Variants in KLF12 observed in about 807,000 individuals in gnomAD.
KLF12 encodes Krueppel-like factor 12.
Under a neutral mutation model 37.8 loss-of-function variants are expected in KLF12, and 9 were observed. That is an observed-to-expected ratio of 0.24 (90% CI 0.14 to 0.42). The LOEUF (loss-of-function observed/expected upper bound fraction) is 0.42. KLF12 is among the 10% of genes least tolerant of loss of function. The pLI, the probability that KLF12 is intolerant of heterozygous loss-of-function variation, is 1.00. For missense variants in KLF12, 411 were observed against 516.0 expected, an observed-to-expected ratio of 0.80 and a Z score of 1.97; for synonymous variants, 208 against 202.1, an observed-to-expected ratio of 1.03 and a Z score of -0.25.
chr13:74,210,161 G>A, the KLF12 span, among the ~76,000 whole-genome samples: 1 of 152,182 alleles, frequency 6.6e-6, no homozygotes, highest in African/African-American at 2.4e-5. Flanking sequence ...AATAGCAAAT[G>A]AATCTGAATA....
chr13:73,720,610 T>C (rs1341406616), intron 6 of KLF12, among the ~76,000 whole-genome samples: 2 of 152,102 alleles, frequency 1.3e-5, no homozygotes, highest in African/African-American at 2.4e-5. Flanking sequence ...AGGTACCACG[T>C]TGTAATAATT....
the KLF12 span, among the ~76,000 whole-genome samples, chr13:74,206,636 TAA>T: frequency 1.4e-3 from 207 of 152,276 alleles, 1 homozygote; most frequent in African/African-American, 4.6e-3. Flanking sequence ...ACAGGGAAAA[TAA>T]AAAGTGTTGG....
chr13:74,241,413 C>T, the KLF12 span, among the ~76,000 whole-genome samples: 470 of 152,252 alleles, frequency 3.1e-3, 3 homozygotes, highest in African/African-American at 0.011. Flanking sequence ...CTGTGCCCTG[C>T]CCCCAGAGGT....
intron 1 of KLF12, among the ~76,000 whole-genome samples, chr13:74,074,458 A>G (rs1874451805): frequency 6.6e-6 from 1 of 152,046 alleles, no homozygotes; most frequent in Non-Finnish European, 1.5e-5. Flanking sequence ...CCTATCATCT[A>G]ACTGGACTCT....
At chr13:74,071,449 G>A (rs1279369943) in intron 1 of KLF12, among the ~76,000 whole-genome samples, 1 of 152,130 alleles carries the variant, frequency 6.6e-6, no homozygotes, top group Admixed American at 6.5e-5. Context: ...CACTTTGGGA[G>A]GGTGAGGTGG....
chr13:74,141,269 G>A, the KLF12 span, among the ~76,000 whole-genome samples: 1 of 152,128 alleles, frequency 6.6e-6, no homozygotes, highest in South Asian at 2.1e-4. Flanking sequence ...CTTAATTCAG[G>A]AGGATTCATT....
At chr13:74,212,948 G>T in the KLF12 span, among the ~76,000 whole-genome samples, 1 of 151,402 alleles carries the variant, frequency 6.6e-6, no homozygotes, top group East Asian at 1.9e-4. Context: ...TTTCAGAAAG[G>T]TAAAAAAAAT....
chr13:74,173,888 G>C, the KLF12 span, among the ~76,000 whole-genome samples: 1 of 152,206 alleles, frequency 6.6e-6, no homozygotes, highest in South Asian at 2.1e-4. Context: ...TTGCCTTACT[G>C]TCTGAGAGAT....
At chr13:74,159,437 G>A in the KLF12 span, among the ~76,000 whole-genome samples, 1 of 152,206 alleles carries the variant, frequency 6.6e-6, no homozygotes, top group Non-Finnish European at 1.5e-5. Flanking sequence ...AATAAAGGAA[G>A]TGTATAATAA....
chr13:74,290,315 C>T, the KLF12 span, among the ~76,000 whole-genome samples: 1 of 152,172 alleles, frequency 6.6e-6, no homozygotes, highest in Non-Finnish European at 1.5e-5. Context: ...CTTTTTCATT[C>T]CTTTCCACTG....
At chr13:73,841,869 C>T (rs138926693) in intron 4 of KLF12, among the ~76,000 whole-genome samples, 6 of 152,216 alleles carry the variant, frequency 3.9e-5, no homozygotes, top group African/African-American at 1.4e-4. Context: ...CCTTGGGAGA[C>T]GTTTCCTGAC....
chr13:73,729,663 T>A (rs1262725057), intron 6 of KLF12, among the ~76,000 whole-genome samples: 3 of 152,242 alleles, frequency 2.0e-5, no homozygotes, highest in Non-Finnish European at 2.9e-5. Flanking sequence ...TTAAATATTA[T>A]ATGCACTGTT....
At chr13:74,261,523 A>C in the KLF12 span, among the ~76,000 whole-genome samples, 3 of 151,680 alleles carry the variant, frequency 2.0e-5, no homozygotes, top group Non-Finnish European at 4.4e-5. Flanking sequence ...ATGTTATCTC[A>C]AAAAAAGAAA....
chr13:74,200,899 C>G, the KLF12 span, among the ~76,000 whole-genome samples: 2 of 152,050 alleles, frequency 1.3e-5, no homozygotes, highest in African/African-American at 2.4e-5. Flanking sequence ...ATTTGGTTCC[C>G]TTTTGGTTCT....
chr13:74,169,279 A>ACCC, the KLF12 span, among the ~76,000 whole-genome samples: 5 of 152,252 alleles, frequency 3.3e-5, no homozygotes, highest in African/African-American at 1.2e-4. Context: ...TAATAAAATA[A>ACCC]TAATCACTAT....
the KLF12 span, among the ~76,000 whole-genome samples, chr13:74,260,626 A>AATAAAATAAAAT: frequency 1.7e-5 from 2 of 117,176 alleles, no homozygotes; most frequent in African/African-American, 1.0e-4. Flanking sequence ...AATAAAATAA[A>AATAAAATAAAAT]ATAGTGAATT....
At chr13:74,112,279 T>C (rs1877017747) in intron 1 of KLF12, among the ~76,000 whole-genome samples, 1 of 151,630 alleles carries the variant, frequency 6.6e-6, no homozygotes, top group Non-Finnish European at 1.5e-5. Flanking sequence ...AAAATATTAC[T>C]GTCTGGCCCT....
chr13:74,209,193 G>A, the KLF12 span, among the ~76,000 whole-genome samples: 5 of 151,872 alleles, frequency 3.3e-5, no homozygotes, highest in Non-Finnish European at 5.9e-5. Context: ...AATAGATATT[G>A]GATTCCATTC....
intron 3 of KLF12, among the ~76,000 whole-genome samples, chr13:73,864,802 A>C (rs997815904): frequency 6.6e-6 from 1 of 152,146 alleles, no homozygotes; most frequent in South Asian, 2.1e-4. Context: ...ATGAAGGAAT[A>C]TATATGCGAT....
Sources: gnomAD v4.1 joint callset for allele counts (sites outside exome capture counted in the v4.1 genomes callset) on GRCh38, gnomAD v4.1.1 for gene constraint, MANE v1.5 for transcripts, NCBI Gene and HGNC (gene_info 2026-07-23, HGNC 2026-07-21) for gene names.